The following OSBPL7 variants were observed in gnomAD, a reference collection of about 807,000 sequenced individuals.
OSBPL7 encodes oxysterol binding protein like 7, also known as oxysterol-binding protein-related protein 7.
In OSBPL7, 66 loss-of-function variants were observed where a neutral mutation model predicts 115.8. The observed-to-expected ratio is 0.57, with a 90% CI of 0.47 to 0.70. The LOEUF is 0.70. Among genes scored for constraint, OSBPL7 ranks in the 30% least tolerant of loss-of-function variants. OSBPL7 has a pLI of 0.00. For synonymous variants in OSBPL7, 441 were observed against 439.2 expected (o/e 1.00, Z -0.05); for missense variants, 902 against 1,125.5 (o/e 0.80, Z 2.84).
chr17:47,816,524 C>A lies in OSBPL7; in HGVS notation c.928+39G>T. On this transcript the variant is annotated intron_variant, in intron 10 of 22. Coordinates refer to ENST00000007414, the MANE Select transcript of OSBPL7 (RefSeq NM_145798.3). This position sits in a 1 kb window ranked among gnomAD's most constrained non-coding sequence, Gnocchi z 5.8. ...AGACCATCAGAGTCCTCGCTCGCTC[C>A]TGTCCGCTCCCCACCAGCCCCTCCC... 6.3e-7 allele frequency: 1 copy of A among 1,584,084 alleles called. No individual in the cohort carries two copies. Among genetic ancestry groups the A allele is most frequent in the Non-Finnish European group, 8.6e-7 (1 of 1,164,972 alleles).
In OSBPL7 at chr17:47,813,364, T is replaced by C. The variant is rs1222141878; in HGVS notation, c.1639A>G (p.Thr547Ala). The C allele has an allele frequency of 6.2e-6, 10 of 1,613,714 alleles. No homozygotes were observed. The highest frequency in any genetic ancestry group is 8.5e-6 in the Non-Finnish European group (10 of 1,180,004). The part of the protein sequence containing the change: ...AAFAVSAYSS[T>A]YHRAGCKPFN... Reference sequence around the variant, plus strand: ...GGCTTGCAGCCGGCTCGGTGGTATGTGGAGGAGTAGGCCGAGACAGCAAAG... The same window carrying C: ...GGCTTGCAGCCGGCTCGGTGGTATGCGGAGGAGTAGGCCGAGACAGCAAAG... The change falls in exon 16 of 23, where the codon ACA (threonine) becomes GCA (alanine). Residue 547 changes from threonine (T) to alanine (A), a missense_variant. Thr to Ala is a moderately conservative substitution (Grantham distance 58, BLOSUM62 0). Transcript: ENST00000007414.
At position 47,820,188 on chromosome 17, in the gene OSBPL7, T is replaced by G; in HGVS notation, c.75+16A>C. On this transcript the variant is annotated intron_variant, in intron 2 of 22. Transcript: ENST00000007414. ...TCCAGCTTGGCCCACCCACCACCGC[T>G]TTCCCACTCTCTGACCTGCTGAGCA... is the stretch of plus-strand genomic sequence containing the variant. The G allele has an allele frequency of 1.2e-6, 2 of 1,613,904 alleles. No homozygotes were observed. Among genetic ancestry groups the G allele is most frequent in the Non-Finnish European group, 1.7e-6 (2 of 1,179,932 alleles).
intron 16 of OSBPL7, among the ~76,000 whole-genome samples, chr17:47,812,689 G>C (rs2033081999): frequency 6.6e-6 from 1 of 152,194 alleles, no homozygotes; most frequent in African/African-American, 2.4e-5. Flanking sequence ...CCTAAGTGCA[G>C]GGACTCATTA....
chr17:47,819,909 G>T, intron 3 of OSBPL7, 62 bp downstream of exon 3: 1 of 1,590,030 alleles, frequency 6.3e-7, no homozygotes, highest in Non-Finnish European at 8.6e-7. Context: ...CTGCCCAGCA[G>T]CTGCCCCCCA....
intron 16 of OSBPL7, among the ~76,000 whole-genome samples, chr17:47,812,832 C>T (rs2033086162): frequency 6.6e-6 from 1 of 152,152 alleles, no homozygotes; most frequent in South Asian, 2.1e-4. Context: ...CCAATGCCTT[C>T]AGGATTTAAA....
chr17:47,815,184 C>T lies in OSBPL7; in HGVS notation c.1257+31G>A, dbSNP rs201588613. 316 of 1,598,784 alleles carry T rather than the reference C, an allele frequency of 2.0e-4. 1 individual carries two copies. The highest frequency in any genetic ancestry group is 2.5e-4 in the East Asian group (11 of 44,574). ...TCTGTTCCCAAGGTCCCCCCTACCC[C>T]GCCTCACTGCCAGCTTCTCTCCTCC... On this transcript the variant is annotated intron_variant, in intron 13 of 22. Coordinates refer to ENST00000007414, the MANE Select transcript of OSBPL7 (RefSeq NM_145798.3).
Position 47,813,673 on chromosome 17 carries a change from T to C in OSBPL7, c.1513A>G (p.Asn505Asp). The change falls in exon 15 of 23, where the codon AAC (asparagine) becomes GAC (aspartate). Residue 505 changes from asparagine (N) to aspartate (D), a missense_variant. Asn to Asp is a conservative substitution (Grantham distance 23). This residue lies in a region of OSBPL7 where 667 missense variants were observed against 788.7 expected (regional missense o/e 0.85). Transcript: ENST00000007414. ...SMPVQLNEPL[N>D]TLQRLCEELE... ...TCCTCGCAGAGCCGCTGCAGAGTGT[T>C]GAGCGGCTCGTTGAGCTGCACAGGC... 1 of 1,613,356 alleles carries C rather than the reference T, an allele frequency of 6.2e-7. No homozygotes were observed. Among genetic ancestry groups the C allele is most frequent in the Non-Finnish European group, 8.5e-7 (1 of 1,180,008 alleles).
chr17:47,810,474 C>A, intron 18 of OSBPL7, 120 bp downstream of exon 18: 1 of 797,536 alleles, frequency 1.3e-6, no homozygotes, highest in South Asian at 1.6e-5. Flanking sequence ...GACGCCACTG[C>A]AAGCAGCTTC....
At chr17:47,818,957 A>G (rs1384024510) in intron 5 of OSBPL7, 29 bp downstream of exon 5, 2 of 1,589,256 alleles carry the variant, frequency 1.3e-6, no homozygotes, top group Admixed American at 1.7e-5. Context: ...TTGGGGGCCA[A>G]CACACGTCCT....
intron 12 of OSBPL7, 133 bp from the exon 13 acceptor site, chr17:47,815,485 A>G: frequency 8.5e-7 from 1 of 1,177,424 alleles, no homozygotes; most frequent in Non-Finnish European, 1.2e-6. Flanking sequence ...ACACCTTCTG[A>G]GCAGAAGAGG....
rs2033230289 is a variant in OSBPL7, at chr17:47,816,710, G to C, written c.796-15C>G. Reference sequence around the variant, plus strand: ...AGACGACCAACCTGTAGGTGAAGGGGAAGGGCTGAAGGGGCCGGCCTCCTT... The same window carrying C: ...AGACGACCAACCTGTAGGTGAAGGGCAAGGGCTGAAGGGGCCGGCCTCCTT... On this transcript the variant is annotated splice_polypyrimidine_tract_variant and intron_variant, in intron 9 of 22. Coordinates refer to ENST00000007414, the MANE Select transcript of OSBPL7 (RefSeq NM_145798.3). The surrounding 1 kb of genome is among the most constrained non-coding windows in gnomAD (Gnocchi z 5.8). 1 of 1,614,070 alleles carries C rather than the reference G, an allele frequency of 6.2e-7. No homozygotes were observed. Among genetic ancestry groups the C allele is most frequent in the East Asian group, 2.2e-5 (1 of 44,876 alleles).
In OSBPL7 at chr17:47,808,889, C is replaced by T. The variant is rs768515115; in HGVS notation, c.2272G>A (p.Asp758Asn). 16 of 1,614,208 alleles carry T rather than the reference C, an allele frequency of 9.9e-6. No individual in the cohort carries two copies. Among genetic ancestry groups the T allele is most frequent in the Admixed American group, 3.3e-5 (2 of 60,028 alleles). Residue 758 changes from aspartate to asparagine, a missense_variant, in exon 21 of 23, where the codon GAC becomes AAC. This residue lies in a region of OSBPL7 where 230 missense variants were observed against 312.7 expected (regional missense o/e 0.74). Transcript: ENST00000007414. This position sits in a 1 kb window ranked among gnomAD's most constrained non-coding sequence, Gnocchi z 6.1. ...CTCTGGTCTGGCCGGAGTCTCGTGT[C>T]GGTGGAAGGCAGCGACCGTTTCAGC... ...AELKRSLPSTDTRLRPDQRYL... is the reference protein window; with the variant it reads ...AELKRSLPSTNTRLRPDQRYL...
rs778176057 is a variant in OSBPL7, at chr17:47,816,737, G to C, written c.796-42C>G. 29 of 1,613,934 alleles carry C rather than the reference G, an allele frequency of 1.8e-5. No homozygotes were observed. Among genetic ancestry groups the C allele is most frequent in the Non-Finnish European group, 2.5e-5 (29 of 1,179,978 alleles). ...AGGGCTGAAGGGGCCGGCCTCCTTA[G>C]AGCATCCTGCCCCAGCTACGTGAGG... On this transcript the variant is annotated intron_variant, in intron 9 of 22. Transcript: ENST00000007414. This position sits in a 1 kb window ranked among gnomAD's most constrained non-coding sequence, Gnocchi z 5.8.
chr17:47,815,373 A>C, intron 12 of OSBPL7, 21 bp from the exon 13 acceptor site: 1 of 1,612,590 alleles, frequency 6.2e-7, no homozygotes, highest in Non-Finnish European at 8.5e-7. Flanking sequence ...AGCCAGATGG[A>C]TGTCAGGCTC....
In OSBPL7 at chr17:47,808,934, G is replaced by T. The variant is rs764372426; in HGVS notation, c.2227C>A (p.Leu743Met). ...TTCAGCTCTGCTGTCAGCTCATTCA[G>T]CTCCAAGGCAAACTGGGTGAAGCCG... ...NFGFTQFALELNELTAELKRS... is the reference protein window; with the variant it reads ...NFGFTQFALEMNELTAELKRS... Residue 743 changes from leucine (L) to methionine (M), a missense_variant, in exon 21 of 23, where the codon CTG becomes ATG. Around this residue, in one of 3 missense-constraint regions of OSBPL7, gnomAD observed 230 missense variants for 312.7 expected, o/e 0.74. Coordinates refer to ENST00000007414, the MANE Select transcript of OSBPL7 (RefSeq NM_145798.3). The surrounding 1 kb of genome is among the most constrained non-coding windows in gnomAD (Gnocchi z 6.1). 4.3e-6 allele frequency: 7 copies of T among 1,614,184 alleles called. No homozygotes were observed. The South Asian group carries it at 6.6e-5, about 15-fold the overall frequency.
In OSBPL7 at chr17:47,816,057, G is replaced by T. The variant is rs997162766; in HGVS notation, c.1119+50C>A. 8.1e-6 allele frequency: 12 copies of T among 1,477,424 alleles called. No homozygotes were observed. Among genetic ancestry groups the T allele is most frequent in the Non-Finnish European group, 1.1e-5 (12 of 1,096,948 alleles). 91.5% of individuals were successfully genotyped at this position (1,477,424 alleles called of 1,614,324 possible). ...TGCCCTGGGCCTTGGCTTTCGCTGG[G>T]AGAGAAGGCACAGGAGAATCGGCCC... On this transcript the variant is annotated intron_variant, in intron 12 of 22. Transcript: ENST00000007414. This position sits in a 1 kb window ranked among gnomAD's most constrained non-coding sequence, Gnocchi z 5.8.
chr17:47,815,807 G>A (rs904138491), intron 12 of OSBPL7: 5 of 351,178 alleles, frequency 1.4e-5, no homozygotes, highest in Admixed American at 4.5e-5. Flanking sequence ...AGTTCAGCCC[G>A]TCTATAATTG....
At chr17:47,817,890 C>A (rs2033274307) in intron 7 of OSBPL7, among the ~76,000 whole-genome samples, 1 of 151,252 alleles carries the variant, frequency 6.6e-6, no homozygotes, top group South Asian at 2.1e-4. Context: ...ATGTGCTCAC[C>A]CTCTCTCTCT....
chr17:47,819,831 G>C (rs770426438), intron 3 of OSBPL7, 49 bp from the exon 4 acceptor site: 12 of 1,612,302 alleles, frequency 7.4e-6, no homozygotes, highest in Non-Finnish European at 9.3e-6. Flanking sequence ...GAGAGGAAGG[G>C]CATGAGGGAG....
Sources: allele counts gnomAD v4.1 joint callset (sites outside exome capture counted in the v4.1 genomes callset), GRCh38; gene constraint gnomAD v4.1.1; regional missense constraint gnomAD v4.1.1; non-coding constraint Gnocchi (gnomAD v3.1); transcripts MANE v1.5; gene names NCBI Gene and HGNC (gene_info 2026-07-23, HGNC 2026-07-21).